PPFIA3: variants seen among roughly 807,000 people sequenced by gnomAD.
PPFIA3 encodes liprin-alpha-3.
Under a neutral mutation model 145.8 loss-of-function variants are expected in PPFIA3, and 26 were observed. That is an observed-to-expected ratio of 0.18 (90% CI 0.13 to 0.25). The LOEUF (loss-of-function observed/expected upper bound fraction) is 0.25, where lower values mean the gene tolerates loss of function less well. Among genes scored for constraint, PPFIA3 ranks in the 10% least tolerant of loss-of-function variants. PPFIA3 has a pLI of 1.00. For synonymous variants in PPFIA3, 645 were observed against 661.4 expected (o/e 0.98, Z 0.38); for missense variants, 1,008 against 1,587.8 (o/e 0.63, Z 6.21).
chr19:49,125,706 G>C (rs1287539623), intron 1 of PPFIA3, among the ~76,000 whole-genome samples: 2 of 152,124 alleles, frequency 1.3e-5, no homozygotes, highest in Non-Finnish European at 2.9e-5. Flanking sequence ...AGGAAGCTGA[G>C]AGCCCAGACT....
chr19:49,136,222 CA>C (rs893216425), intron 14 of PPFIA3, among the ~76,000 whole-genome samples: 5 of 151,974 alleles, frequency 3.3e-5, no homozygotes, highest in East Asian at 3.9e-4. Context: ...TCATGGGAAT[CA>C]GGGGCGGGGG....
chr19:49,143,029 G>T (rs2041242003), intron 21 of PPFIA3, 25 bp downstream of exon 21: 3 of 1,594,226 alleles, frequency 1.9e-6, no homozygotes, highest in African/African-American at 1.3e-5. Flanking sequence ...GCCAATTCCA[G>T]CCTTCGCTTC....
At chr19:49,129,494 G>A (rs1435994029) in intron 5 of PPFIA3, 40 bp downstream of exon 5, 2 of 1,547,654 alleles carry the variant, frequency 1.3e-6, no homozygotes, top group Non-Finnish European at 8.7e-7. Context: ...AATCCAAGGG[G>A]AGGGGCTAAG....
At chr19:49,129,051 C>A (rs757089452) in intron 4 of PPFIA3, 39 bp downstream of exon 4, 1 of 1,541,044 alleles carries the variant, frequency 6.5e-7, no homozygotes, top group Non-Finnish European at 8.8e-7. Flanking sequence ...GAATGGAAAC[C>A]TATAGTTGAC....
At position 49,133,982 on chromosome 19, in the gene PPFIA3, C is replaced by G. The variant is rs2041106727; in HGVS notation, c.1246-52C>G. 5 of 1,604,236 alleles carry G rather than the reference C, an allele frequency of 3.1e-6. No homozygotes were observed. The highest frequency in any genetic ancestry group is 1.8e-4 in the Middle Eastern group (1 of 5,554). On this transcript the variant is annotated intron_variant, in intron 10 of 29. Transcript: ENST00000334186. This position sits in a 1 kb window ranked among gnomAD's most constrained non-coding sequence, Gnocchi z 7.2. ...CGGGGGTGGGGCTTAGAGGAAGGGCCGTGGTCTGGGCAGGGTGGGCTTAAC... is the reference window on the plus strand; with the variant it reads ...CGGGGGTGGGGCTTAGAGGAAGGGCGGTGGTCTGGGCAGGGTGGGCTTAAC...
intron 7 of PPFIA3, among the ~76,000 whole-genome samples, chr19:49,132,505 G>A (rs1199562589): frequency 1.3e-5 from 2 of 151,476 alleles, no homozygotes; most frequent in African/African-American, 4.8e-5. Context: ...CACCACGTGG[G>A]CTACCAGATG....
At chr19:49,127,080 C>CA (rs11304397) in intron 1 of PPFIA3, among the ~76,000 whole-genome samples, 1,396 of 69,800 alleles carry the variant, frequency 0.02, 27 homozygotes, top group Middle Eastern at 0.041. Context: ...CTCATCTCCA[C>CA]AAAAAAAAAA....
intron 21 of PPFIA3, among the ~76,000 whole-genome samples, chr19:49,143,643 G>A (rs528103838): frequency 6.6e-6 from 1 of 152,324 alleles, no homozygotes; most frequent in East Asian, 1.9e-4. Flanking sequence ...AAAGTGTTGA[G>A]ATTACAGGCG....
intron 7 of PPFIA3, among the ~76,000 whole-genome samples, chr19:49,131,179 T>C (rs1479404580): frequency 2.2e-5 from 3 of 137,554 alleles, no homozygotes; most frequent in Non-Finnish European, 4.7e-5. Context: ...TTTTTTTTTT[T>C]TTTTTTTGAG....
At chr19:49,148,617 C>G (rs367723084) in intron 24 of PPFIA3, 49 bp from the exon 25 acceptor site, 29 of 1,444,024 alleles carry the variant, frequency 2.0e-5, no homozygotes, top group Non-Finnish European at 2.5e-5. Flanking sequence ...GAGCAGCAGT[C>G]TAGGGGACTG....
chr19:49,129,051 C>T, intron 4 of PPFIA3, 39 bp downstream of exon 4: 1 of 1,541,046 alleles, frequency 6.5e-7, no homozygotes, highest in Non-Finnish European at 8.8e-7. Context: ...GAATGGAAAC[C>T]TATAGTTGAC....
intron 15 of PPFIA3, among the ~76,000 whole-genome samples, chr19:49,137,831 G>T (rs1334993626): frequency 6.6e-6 from 1 of 151,822 alleles, no homozygotes; most frequent in African/African-American, 2.4e-5. Context: ...TCCTAGATTG[G>T]CCTGAGTCCC....
Position 49,135,818 on chromosome 19 carries a change from G to A in PPFIA3, c.1560G>A (p.Gln520=), listed in dbSNP as rs2041130631. The A allele has an allele frequency of 1.2e-6, 2 of 1,613,902 alleles. No individual in the cohort carries two copies. The highest frequency in any genetic ancestry group is 1.7e-6 in the Non-Finnish European group (2 of 1,179,914). Residue 520 remains glutamine, a synonymous_variant, in exon 14 of 30, where the codon CAG becomes CAA. Transcript: ENST00000334186. ...PGSALELRYS[Q]APTLPSGAHL... is the part of the protein sequence containing the mutation. ...GTGCCCTGGAGCTCCGTTACTCTCA[G>A]GCACCCACTTTACCTTCTGGTGCCC... is the stretch of plus-strand genomic sequence containing the variant.
chr19:49,150,496 AT>A lies in PPFIA3; in HGVS notation c.*277del. 1 of 203,990 alleles carries A rather than the reference AT, an allele frequency of 4.9e-6. No homozygotes were observed. The highest frequency in any genetic ancestry group is 1.2e-4 in the East Asian group (1 of 8,520). The allele number at this position is 203,990 out of a possible 1,614,324, so 12.6% of individuals were successfully genotyped here. ...CCGCTTTCCTTTTCTCTACTTTGTA[AT>A]TTATTGATCAGTTTCTGTTGGGAGA... On this transcript the variant is annotated 3_prime_UTR_variant, in exon 30 of 30. Transcript: ENST00000334186.
intron 4 of PPFIA3, 79 bp from the exon 5 acceptor site, chr19:49,129,301 A>C: frequency 6.9e-7 from 1 of 1,448,302 alleles, no homozygotes; most frequent in South Asian, 1.3e-5. Context: ...GATCCGTCCC[A>C]GGGGTGTTCT....
rs764459378 is a variant in PPFIA3 at position 49,128,496 on chromosome 19, G to A, written c.342+28G>A. The stretch of plus-strand genomic sequence containing the variant: ...GAGGGGTGTTGAGGGCGGGGCCTAA[G>A]TGGGGGCGGGGCCTCGTGGTGTTGA... On this transcript the variant is annotated intron_variant, in intron 3 of 29. Coordinates refer to ENST00000334186, the MANE Select transcript of PPFIA3 (RefSeq NM_003660.4). The surrounding 1 kb of genome is among the most constrained non-coding windows in gnomAD (Gnocchi z 4.1). 2.5e-6 allele frequency: 4 copies of A among 1,575,436 alleles called. No homozygotes were observed. Among genetic ancestry groups the A allele is most frequent in the African/African-American group, 1.4e-5 (1 of 73,512 alleles).
At chr19:49,125,853 G>A (rs772158866) in intron 1 of PPFIA3, among the ~76,000 whole-genome samples, 7 of 152,190 alleles carry the variant, frequency 4.6e-5, no homozygotes, top group Non-Finnish European at 7.4e-5. Flanking sequence ...AGGGAGGCGG[G>A]AGCTAGTTCT....
chr19:49,134,284 T>C (rs747349423), intron 11 of PPFIA3, 119 bp downstream of exon 11: 11 of 1,363,072 alleles, frequency 8.1e-6, no homozygotes, highest in Non-Finnish European at 9.9e-6. Flanking sequence ...AACCCCGGCA[T>C]CCTGAGTTGG....
In PPFIA3 at chr19:49,146,037, G is replaced by C. The variant is rs1183818306; in HGVS notation, c.2808+32G>C. 4 of 1,611,382 alleles carry C rather than the reference G, an allele frequency of 2.5e-6. No individual in the cohort carries two copies. The African/African-American group carries it at 5.4e-5, about 22-fold the overall frequency. On this transcript the variant is annotated intron_variant, in intron 22 of 29. Coordinates refer to ENST00000334186, the MANE Select transcript of PPFIA3 (RefSeq NM_003660.4). ...GCCCCCTGCCGGCCGCCTTGGGGGTGGCACTAACCTTCTTTGGGGGTGGGG... is the reference window on the plus strand; with the variant it reads ...GCCCCCTGCCGGCCGCCTTGGGGGTCGCACTAACCTTCTTTGGGGGTGGGG...
Sources: allele counts gnomAD v4.1 joint callset (sites outside exome capture counted in the v4.1 genomes callset), GRCh38; gene constraint gnomAD v4.1.1; non-coding constraint Gnocchi (gnomAD v3.1); transcripts MANE v1.5; gene names NCBI Gene and HGNC (gene_info 2026-07-23, HGNC 2026-07-21).